The following ZFHX3 variants were observed in gnomAD, a reference collection of about 807,000 sequenced individuals.
The protein encoded by ZFHX3 is zinc finger homeobox 3.
ZFHX3 carries 42 observed loss-of-function variants against 279.1 expected under a neutral mutation model. That is an observed-to-expected ratio of 0.15 (90% CI 0.12 to 0.19). The LOEUF (loss-of-function observed/expected upper bound fraction) is 0.19. ZFHX3 is among the 10% of genes least tolerant of loss of function. The pLI is 1.00. For missense variants in ZFHX3, 4,981 were observed against 4,754.0 expected, an observed-to-expected ratio of 1.05 and a Z score of -1.40; for synonymous variants, 2,293 against 1,957.8, an observed-to-expected ratio of 1.17 and a Z score of -4.52.
At chr16:73,382,649 G>T (rs1484273121) in intron 3 of ZFHX3, among the ~76,000 whole-genome samples, 1 of 152,158 alleles carries the variant, frequency 6.6e-6, no homozygotes, top group Non-Finnish European at 1.5e-5. Flanking sequence ...AGGCTTAATA[G>T]ATGTTCAATA....
chr16:72,904,367 AAAAT>A (rs200166214), intron 3 of ZFHX3, among the ~76,000 whole-genome samples: 44,841 of 139,308 alleles, frequency 0.32, 7,553 homozygotes, highest in Middle Eastern at 0.38. Context: ...ATTCTGTCTC[AAAAT>A]AAATAAATAA....
chr16:72,921,524 C>A lies in ZFHX3; in HGVS notation c.3216+28945G>T, dbSNP rs552852478. 8.5e-5 allele frequency among the ~76,000 whole-genome samples: 13 copies of A among 152,344 alleles called. No homozygotes were observed. The East Asian group carries it at 2.5e-3, about 29-fold the overall frequency. On this transcript the variant is annotated intron_variant, in intron 3 of 9. Coordinates refer to ENST00000268489, the MANE Select transcript of ZFHX3 (RefSeq NM_006885.4). Reference sequence around the variant, plus strand: ...GCCAAGAAAGACTCCAGAAAACAATCAGAGGGAATCTCACTTTCATTTGGC... The same window carrying A: ...GCCAAGAAAGACTCCAGAAAACAATAAGAGGGAATCTCACTTTCATTTGGC...
intron 2 of ZFHX3, among the ~76,000 whole-genome samples, chr16:73,625,196 G>A (rs2052403747): frequency 1.3e-5 from 2 of 152,188 alleles, no homozygotes; most frequent in Non-Finnish European, 2.9e-5. Flanking sequence ...TGCACCATTT[G>A]GGTTTGTAAA....
At chr16:73,244,934 T>C (rs986364469) in intron 5 of ZFHX3, among the ~76,000 whole-genome samples, 1 of 151,990 alleles carries the variant, frequency 6.6e-6, no homozygotes, top group African/African-American at 2.4e-5. Flanking sequence ...CTGGGGGAGA[T>C]TTGGAGCAGA....
chr16:72,966,199 T>C (rs1041430200), intron 1 of ZFHX3, among the ~76,000 whole-genome samples: 2 of 152,166 alleles, frequency 1.3e-5, no homozygotes, highest in African/African-American at 4.8e-5. Flanking sequence ...GCATGTCCAC[T>C]TGCAGAGCAC....
intron 4 of ZFHX3, among the ~76,000 whole-genome samples, chr16:73,280,465 C>T (rs111887274): frequency 0.017 from 2,564 of 152,134 alleles, 32 homozygotes; most frequent in Non-Finnish European, 0.026. Flanking sequence ...TGACATTTCT[C>T]CAAAGAAGAC....
chr16:73,444,299 T>A (rs1032662652), intron 3 of ZFHX3, among the ~76,000 whole-genome samples: 1 of 152,358 alleles, frequency 6.6e-6, no homozygotes, highest in Admixed American at 6.5e-5. Context: ...TACACTTGCC[T>A]TTTAAAATAG....
intron 5 of ZFHX3, among the ~76,000 whole-genome samples, chr16:72,823,898 C>T (rs150947208): frequency 6.6e-6 from 1 of 152,240 alleles, no homozygotes; most frequent in African/African-American, 2.4e-5. Flanking sequence ...TTTCCTAACA[C>T]GTTTCCTCTC....
intron 3 of ZFHX3, among the ~76,000 whole-genome samples, chr16:73,444,857 C>T (rs560551373): frequency 2.1e-4 from 32 of 151,034 alleles, no homozygotes; most frequent in African/African-American, 6.6e-4. Flanking sequence ...CGGTGGCTCA[C>T]GCCTGTAATC....
At chr16:73,199,107 G>A (rs1171319757) in intron 5 of ZFHX3, among the ~76,000 whole-genome samples, 2 of 152,200 alleles carry the variant, frequency 1.3e-5, no homozygotes, top group Non-Finnish European at 2.9e-5. Context: ...TCTGTGAATT[G>A]GGGGGAAACT....
intron 3 of ZFHX3, chr16:73,421,480 T>G (rs901135070): frequency 6.6e-6 from 1 of 152,210 alleles, no homozygotes; most frequent in Admixed American, 6.5e-5. Flanking sequence ...GCAAAATAAT[T>G]TTGCTAAATT....
At chr16:73,227,105 C>T (rs1055866973) in intron 5 of ZFHX3, among the ~76,000 whole-genome samples, 4 of 152,082 alleles carry the variant, frequency 2.6e-5, no homozygotes, top group African/African-American at 9.7e-5. Context: ...ACGTTAATAG[C>T]ACTGTAAGAA....
chr16:72,960,239 G>A (rs750885863), intron 1 of ZFHX3, 45 bp from the exon 2 acceptor site: 9 of 1,445,026 alleles, frequency 6.2e-6, no homozygotes, highest in Admixed American at 4.7e-5. Flanking sequence ...AGGGGAAAGA[G>A]AGAGAGAAAG....
intron 2 of ZFHX3, among the ~76,000 whole-genome samples, chr16:73,549,587 C>T (rs11648454): frequency 0.092 from 14,069 of 152,228 alleles, 706 homozygotes; most frequent in African/African-American, 0.11. Context: ...AGATTTCTCA[C>T]ATCAGTATTA....
chr16:73,088,753 C>T (rs1280956086), intron 8 of ZFHX3, among the ~76,000 whole-genome samples: 1 of 152,172 alleles, frequency 6.6e-6, no homozygotes, highest in African/African-American at 2.4e-5. Context: ...GAGACTGAGA[C>T]ACCAGTGTCA....
intron 1 of ZFHX3, among the ~76,000 whole-genome samples, chr16:72,960,414 G>A (rs1310635666): frequency 1.3e-5 from 2 of 152,188 alleles, no homozygotes. Context: ...CTGAGCGAGG[G>A]ATATGGGGAA....
chr16:73,671,424 T>C (rs1028890616), intron 2 of ZFHX3, among the ~76,000 whole-genome samples: 1 of 152,154 alleles, frequency 6.6e-6, no homozygotes, highest in African/African-American at 2.4e-5. Context: ...CAGATAAAGA[T>C]GAACCATCAC....
At chr16:73,885,483 C>A (rs1490638297) in intron 1 of ZFHX3, among the ~76,000 whole-genome samples, 1 of 152,116 alleles carries the variant, frequency 6.6e-6, no homozygotes, top group African/African-American at 2.4e-5. Context: ...CTTTCTAGAT[C>A]TCACTGAATC....
At chr16:73,807,759 C>T (rs957851229) in intron 1 of ZFHX3, among the ~76,000 whole-genome samples, 1 of 151,216 alleles carries the variant, frequency 6.6e-6, no homozygotes, top group Non-Finnish European at 1.5e-5. Flanking sequence ...ACGTAAGCCA[C>T]TGCACCCAGC....
Sources: gnomAD v4.1 joint callset for allele counts (sites outside exome capture counted in the v4.1 genomes callset) on GRCh38, gnomAD v4.1.1 for gene constraint, MANE v1.5 for transcripts, NCBI Gene and HGNC (gene_info 2026-07-23, HGNC 2026-07-21) for gene names.